The following ZNF66 variants were observed in gnomAD, a reference collection of about 807,000 sequenced individuals.
ZNF66 encodes the protein putative zinc finger protein 66.
ZNF66 carries 32 observed loss-of-function variants against 35.2 expected under a neutral mutation model. That is an observed-to-expected ratio of 0.91 (90% confidence interval 0.69 to 1.22). The LOEUF (loss-of-function observed/expected upper bound fraction) is 1.22, where lower values mean the gene tolerates loss of function less well. Ranked by LOEUF, ZNF66 falls within the 50% of genes most tolerant of loss-of-function variation. The probability of loss-of-function intolerance (pLI) is 0.00; values close to 1 mark genes in which losing one functional copy is unlikely to be tolerated. For missense variants in ZNF66, 666 were observed against 543.1 expected (o/e 1.23, Z -2.25); for synonymous variants, 231 against 181.3 (o/e 1.27, Z -2.20).
Position 20,807,153 on chromosome 19 carries a change from TTAAG to T in ZNF66, c.1556_1559del (p.Lys519ThrfsTer38), listed in dbSNP as rs1391982743. ...AAATGTGAAGAATGTGGCAAAGACT[TTAAG>T]TACTCCTCTACCCTTACTAGACATA... On this transcript the variant is annotated frameshift_variant, in exon 4 of 4. Transcript: ENST00000344519. LOFTEE classifies it high-confidence loss of function. 1 of 793,868 alleles carries T rather than the reference TTAAG, an allele frequency of 1.3e-6. No homozygotes were observed. The highest frequency in any genetic ancestry group is 2.5e-5 in the East Asian group (1 of 40,650). 49.2% of individuals were successfully genotyped at this position (793,868 alleles called of 1,614,324 possible).
intron 2 of ZNF66, 116 bp from the exon 3 acceptor site, chr19:20,793,667 G>C (rs1249681364): frequency 6.6e-6 from 3 of 453,360 alleles, no homozygotes; most frequent in Non-Finnish European, 1.2e-5. Context: ...TTACAAATTT[G>C]TATTTTGTTA....
chr19:20,797,431 C>A (rs1285217438), intron 3 of ZNF66, among the ~76,000 whole-genome samples: 1 of 124,482 alleles, frequency 8.0e-6, no homozygotes, highest in Non-Finnish European at 1.8e-5. Flanking sequence ...TGGTCTCGAT[C>A]TCCTGACCTC....
chr19:20,796,513 A>C (rs1319843782), intron 3 of ZNF66, among the ~76,000 whole-genome samples: 1 of 152,224 alleles, frequency 6.6e-6, no homozygotes, highest in Non-Finnish European at 1.5e-5. Flanking sequence ...TATCTAAATA[A>C]TAACATAGTT....
intron 3 of ZNF66, among the ~76,000 whole-genome samples, chr19:20,803,999 C>T (rs1164701220): frequency 6.6e-6 from 1 of 152,028 alleles, no homozygotes; most frequent in Non-Finnish European, 1.5e-5. Flanking sequence ...TTTTATCTTA[C>T]AGCTCCCAAA....
rs1398905607 is a variant in ZNF66 at position 20,807,968 on chromosome 19, G to A, written c.*646G>A. 7.7e-6 allele frequency among the ~76,000 whole-genome samples: 1 copy of A among 129,266 alleles called. No individual in the cohort carries two copies. Among genetic ancestry groups the A allele is most frequent in the Non-Finnish European group, 1.9e-5 (1 of 54,038 alleles). The allele number at this position is 129,266 out of a possible 152,430, so 84.8% of individuals were successfully genotyped here. A position where few individuals can be genotyped will look rare whatever the true frequency, so the allele number is the denominator to read the frequency against. ...GAGTTCCCTTTCCTAGTCAAAGAAA[G>A]GGGTGACAGATGGCACCTGGAAAAT... On this transcript the variant is annotated 3_prime_UTR_variant, in exon 4 of 4. Coordinates refer to ENST00000344519, the MANE Select transcript of ZNF66 (RefSeq NM_001355197.2).
rs1971535279 is a variant in ZNF66, at chr19:20,807,595, T to A, written c.*273T>A. Reference sequence around the variant, plus strand: ...TTTCAATCAATTCTTTTTTTTTTTTTTTGAGATGAAGTTTCATGCTTGTCA... The same window carrying A: ...TTTCAATCAATTCTTTTTTTTTTTTATTGAGATGAAGTTTCATGCTTGTCA... On this transcript the variant is annotated 3_prime_UTR_variant, in exon 4 of 4. Transcript: ENST00000344519. Among the ~76,000 whole-genome samples the A allele has an allele frequency of 6.6e-6, 1 of 152,094 alleles. No homozygotes were observed. The highest frequency in any genetic ancestry group is 2.1e-4 in the South Asian group (1 of 4,826).
chr19:20,801,289 TC>T (rs1568499534), intron 3 of ZNF66, among the ~76,000 whole-genome samples: 1 of 150,504 alleles, frequency 6.6e-6, no homozygotes, highest in Non-Finnish European at 1.5e-5. Flanking sequence ...ACTCAGGCAT[TC>T]TATATCTTTT....
At chr19:20,799,251 G>C (rs1036110961) in intron 3 of ZNF66, 2 of 151,534 alleles carry the variant, frequency 1.3e-5, no homozygotes, top group Non-Finnish European at 2.9e-5. Context: ...TAGTAGAAAT[G>C]GTATTTCACC....
rs542035902 is a variant in ZNF66 at position 20,793,850 on chromosome 19, G to C, written c.198G>C (p.Gln66His). ...LEQGKKPSTM[Q>H]RHEMVANPSV... ...AAGGAAAAAAACCTTCGACTATGCA[G>C]AGACATGAGATGGTAGCCAACCCCT... is the stretch of plus-strand genomic sequence containing the variant. Residue 66 changes from glutamine (Q) to histidine (H), a missense_variant, in exon 3 of 4, where the codon CAG becomes CAC. Transcript: ENST00000344519. The C allele has an allele frequency of 4.0e-5, 47 of 1,179,744 alleles. No individual in the cohort carries two copies. The highest frequency in any genetic ancestry group is 3.6e-4 in the Admixed American group (15 of 41,536). The allele number at this position is 1,179,744 out of a possible 1,614,324, so 73.1% of individuals were successfully genotyped here.
chr19:20,796,420 ATATTACTAAAATAGTTACT>A (rs1419904381), intron 3 of ZNF66, among the ~76,000 whole-genome samples: 18 of 152,222 alleles, frequency 1.2e-4, no homozygotes, highest in African/African-American at 4.3e-4. Context: ...ATAGGGACCC[ATATTACTAAAATAGTTACT>A]TATGAATTTA....
chr19:20,793,852 G>A lies in ZNF66; in HGVS notation c.200G>A (p.Arg67Lys), dbSNP rs780723831. 5 of 1,180,432 alleles carry A rather than the reference G, an allele frequency of 4.2e-6. No individual in the cohort carries two copies. The Admixed American group carries it at 1.2e-4, about 28-fold the overall frequency. 73.1% of individuals were successfully genotyped at this position (1,180,432 alleles called of 1,614,324 possible). A position where few individuals can be genotyped will look rare whatever the true frequency, so the allele number is the denominator to read the frequency against. The stretch of plus-strand genomic sequence containing the variant: ...GGAAAAAAACCTTCGACTATGCAGA[G>A]ACATGAGATGGTAGCCAACCCCTCA... ...EQGKKPSTMQ[R>K]HEMVANPSVL... The change falls in exon 3 of 4, where the codon AGA (arginine) becomes AAA (lysine). Residue 67 changes from arginine (R) to lysine (K), a missense_variant. Transcript: ENST00000344519.
Position 20,808,095 on chromosome 19 carries a change from G to C in ZNF66, c.*773G>C, listed in dbSNP as rs923457718. Among the ~76,000 whole-genome samples the C allele has an allele frequency of 6.7e-6, 1 of 148,446 alleles. No homozygotes were observed. The highest frequency in any genetic ancestry group is 1.5e-5 in the Non-Finnish European group (1 of 67,134). On this transcript the variant is annotated 3_prime_UTR_variant, in exon 4 of 4. Transcript: ENST00000344519. Reference sequence around the variant, plus strand: ...GCTCAGAGGGTCCTATGCCCATGGAGTCTCACTGATTGCTAGCACAGCAGT... The same window carrying C: ...GCTCAGAGGGTCCTATGCCCATGGACTCTCACTGATTGCTAGCACAGCAGT...
At chr19:20,797,904 T>A (rs190059864) in intron 3 of ZNF66, among the ~76,000 whole-genome samples, 1 of 152,308 alleles carries the variant, frequency 6.6e-6, no homozygotes, top group African/African-American at 2.4e-5. Context: ...GTGTTTTGGT[T>A]TTACTTATGT....
chr19:20,789,859 A>C (rs1254256428), intron 1 of ZNF66, among the ~76,000 whole-genome samples: 1 of 152,236 alleles, frequency 6.6e-6, no homozygotes, highest in Non-Finnish European at 1.5e-5. Flanking sequence ...CTGTTTAATA[A>C]ACATTGCATT....
chr19:20,800,845 G>T (rs564421268), intron 3 of ZNF66, among the ~76,000 whole-genome samples: 1 of 152,064 alleles, frequency 6.6e-6, no homozygotes, highest in East Asian at 1.9e-4. Flanking sequence ...TAATTAATAT[G>T]GTCTATAATA....
chr19:20,802,034 A>G (rs446784), intron 3 of ZNF66, among the ~76,000 whole-genome samples: 11,742 of 151,770 alleles, frequency 0.077, 494 homozygotes, highest in Middle Eastern at 0.11. Flanking sequence ...CAATGCAGTA[A>G]TTATGCAAAA....
At position 20,796,946 on chromosome 19, in the gene ZNF66, G is replaced by A. The variant is rs149936229; in HGVS notation, c.226+3068G>A. Among the ~76,000 whole-genome samples the A allele has an allele frequency of 3.8e-3, 583 of 152,164 alleles. 3 individuals carry two copies. The highest frequency in any genetic ancestry group is 0.014 in the African/African-American group (562 of 41,522). On this transcript the variant is annotated intron_variant, in intron 3 of 3. Coordinates refer to ENST00000344519, the MANE Select transcript of ZNF66 (RefSeq NM_001355197.2). ...GCTCACTGCAACTTCCACCTTCCAG[G>A]TTCAAGCAATTCTCATGCCTCAGTC...
At chr19:20,779,610 C>T (rs994915074) in intron 1 of ZNF66, among the ~76,000 whole-genome samples, 3 of 152,078 alleles carry the variant, frequency 2.0e-5, no homozygotes, top group Non-Finnish European at 4.4e-5. Flanking sequence ...AGTCGGATCA[C>T]CTGAGGACAG....
At chr19:20,777,931 A>T (rs1463049815) in intron 1 of ZNF66, among the ~76,000 whole-genome samples, 2 of 152,162 alleles carry the variant, frequency 1.3e-5, no homozygotes, top group African/African-American at 4.8e-5. Context: ...GTGGTAGATA[A>T]TTGAGGAGTT....
Sources: allele counts gnomAD v4.1 joint callset (sites outside exome capture counted in the v4.1 genomes callset), GRCh38; gene constraint gnomAD v4.1.1; transcripts MANE v1.5; gene names NCBI Gene and HGNC (gene_info 2026-07-23, HGNC 2026-07-21).